Variants in RFC3 observed in about 807,000 individuals in gnomAD.
RFC3 encodes the protein A1 38 kDa subunit.
In RFC3, 41 loss-of-function variants were observed where a neutral mutation model predicts 45.1. The ratio of observed to expected loss-of-function variants is 0.91; its 90% CI spans 0.71 to 1.18. The LOEUF is 1.18. Ranked by LOEUF, RFC3 falls within the 50% of genes most tolerant of loss-of-function variation. The pLI, the probability that RFC3 is intolerant of heterozygous loss-of-function variation, is 0.00. For missense variants in RFC3, 423 were observed against 428.1 expected, an observed-to-expected ratio of 0.99 and a Z score of 0.10; for synonymous variants, 149 against 144.0, an observed-to-expected ratio of 1.03 and a Z score of -0.25.
intron 7 of RFC3, among the ~76,000 whole-genome samples, chr13:33,834,012 C>G (rs2082126907): frequency 6.6e-6 from 1 of 152,028 alleles, no homozygotes; most frequent in Non-Finnish European, 1.5e-5. Flanking sequence ...TTAAATCATG[C>G]TTTGCTGTGG....
chr13:33,967,980 A>G (rs2083095818), downstream of RFC3, among the ~76,000 whole-genome samples: 1 of 152,228 alleles, frequency 6.6e-6, no homozygotes, highest in South Asian at 2.1e-4. Context: ...GGTAATGAAG[A>G]CTGAGATAAA....
the RFC3 span, among the ~76,000 whole-genome samples, chr13:33,976,860 G>A: frequency 0.018 from 2,812 of 152,204 alleles, 105 homozygotes; most frequent in African/African-American, 0.065. Flanking sequence ...CTTCCAAAGA[G>A]TTTAGCATGA....
chr13:33,872,427 G>T (rs1157075739), intron 8 of RFC3, among the ~76,000 whole-genome samples: 1 of 152,068 alleles, frequency 6.6e-6, no homozygotes, highest in Non-Finnish European at 1.5e-5. Flanking sequence ...TGAACATTTG[G>T]CATTATATTT....
chr13:33,940,760 C>G (rs916057559), intron 8 of RFC3, among the ~76,000 whole-genome samples: 1 of 152,116 alleles, frequency 6.6e-6, no homozygotes, highest in Admixed American at 6.6e-5. Flanking sequence ...AGTTTAGAAA[C>G]CTTATAATAG....
intron 8 of RFC3, among the ~76,000 whole-genome samples, chr13:33,910,572 C>T (rs1312883318): frequency 6.6e-6 from 1 of 152,044 alleles, no homozygotes; most frequent in Non-Finnish European, 1.5e-5. Context: ...AGACATGGCA[C>T]TTGAGTCAAG....
chr13:33,922,679 G>A (rs2082776986), intron 8 of RFC3, among the ~76,000 whole-genome samples: 1 of 152,074 alleles, frequency 6.6e-6, no homozygotes, highest in African/African-American at 2.4e-5. Context: ...AAAGTAGCTA[G>A]TCAAATAATC....
chr13:33,898,752 A>G (rs2137659591), intron 8 of RFC3, among the ~76,000 whole-genome samples: 1 of 151,938 alleles, frequency 6.6e-6, no homozygotes, highest in East Asian at 1.9e-4. Flanking sequence ...GCGAAACTTT[A>G]GCTATACTAA....
intron 8 of RFC3, among the ~76,000 whole-genome samples, chr13:33,938,671 A>G (rs1467740111): frequency 6.6e-6 from 1 of 152,148 alleles, no homozygotes; most frequent in Non-Finnish European, 1.5e-5. Context: ...ATATATCACA[A>G]TTCACTACAT....
chr13:33,921,450 A>T (rs970656172), intron 8 of RFC3, among the ~76,000 whole-genome samples: 2 of 152,200 alleles, frequency 1.3e-5, no homozygotes, highest in East Asian at 3.9e-4. Context: ...CACAGAGGTC[A>T]AAAGACAGTT....
chr13:33,910,697 G>T (rs528731961), intron 8 of RFC3, among the ~76,000 whole-genome samples: 1 of 152,176 alleles, frequency 6.6e-6, no homozygotes, highest in South Asian at 2.1e-4. Context: ...AGGTGTATTA[G>T]TCTGTTCTTA....
intron 8 of RFC3, among the ~76,000 whole-genome samples, chr13:33,925,513 TAGTGTACTATATACATACATAC>T (rs2082803747): frequency 6.9e-6 from 1 of 144,792 alleles, no homozygotes; most frequent in African/African-American, 2.5e-5. Flanking sequence ...CATACATACA[TAGTGTACTATATACATACATAC>T]ATAGTGTACT....
chr13:33,836,251 T>C lies in RFC3; in HGVS notation c.1027T>C (p.Tyr343His), dbSNP rs768034481. 1.1e-5 allele frequency: 18 copies of C among 1,613,454 alleles called. No individual in the cohort carries two copies. Among genetic ancestry groups the C allele is most frequent in the Admixed American group, 8.3e-5 (5 of 59,988 alleles). The change falls in exon 9 of 9, where the codon TAT becomes CAT. Residue 343 changes from tyrosine to histidine, a missense_variant. By Grantham distance (83) the Tyr-to-His change is moderately conservative. Coordinates refer to ENST00000380071, the MANE Select transcript of RFC3 (RefSeq NM_002915.4). ...GTTTGTGGCCAAATTCATGGCACTT[T>C]ATAAGAAGTTCATGGAGGATGGATT... ...EAFVAKFMALYKKFMEDGLEG... is the reference protein window; with the variant it reads ...EAFVAKFMALHKKFMEDGLEG...
chr13:33,843,650 C>T (rs1340763402), intron 8 of RFC3, among the ~76,000 whole-genome samples: 1 of 152,162 alleles, frequency 6.6e-6, no homozygotes, highest in Non-Finnish European at 1.5e-5. Flanking sequence ...ATTTAATTCT[C>T]CTAACACTCT....
At chr13:33,919,508 G>A (rs2082754312) in intron 8 of RFC3, among the ~76,000 whole-genome samples, 1 of 152,058 alleles carries the variant, frequency 6.6e-6, no homozygotes, top group Non-Finnish European at 1.5e-5. Context: ...TATTTGTACT[G>A]TGGTTATGAG....
intron 2 of RFC3, among the ~76,000 whole-genome samples, chr13:33,821,970 C>G (rs1041960292): frequency 6.6e-6 from 1 of 152,062 alleles, no homozygotes; most frequent in Non-Finnish European, 1.5e-5. Flanking sequence ...GACTGTATGT[C>G]GAGAACATAT....
rs2082162092 is a variant in RFC3, at chr13:33,837,094, G to T, written c.*799G>T. On this transcript the variant is annotated 3_prime_UTR_variant, in exon 9 of 9. Transcript: ENST00000380071. ...CTCCGAACAATTCCTTTACTACGAA[G>T]TATAATTTATAAAATAAAATATACC... 1 of 960,192 alleles carries T rather than the reference G, an allele frequency of 1.0e-6. No individual in the cohort carries two copies. Among genetic ancestry groups the T allele is most frequent in the African/African-American group, 1.8e-5 (1 of 56,666 alleles). The allele number at this position is 960,192 out of a possible 1,614,324, so 59.5% of individuals were successfully genotyped here.
chr13:33,833,605 A>C (rs190910332), intron 7 of RFC3, among the ~76,000 whole-genome samples: 2 of 152,276 alleles, frequency 1.3e-5, no homozygotes, highest in East Asian at 3.9e-4. Flanking sequence ...GCATGTTAAC[A>C]TGTATGCACT....
intron 8 of RFC3, among the ~76,000 whole-genome samples, chr13:33,884,401 G>A (rs2082506314): frequency 6.6e-6 from 1 of 152,200 alleles, no homozygotes; most frequent in African/African-American, 2.4e-5. Context: ...GACACTGGGA[G>A]CTGTTTAGAA....
intron 8 of RFC3, among the ~76,000 whole-genome samples, chr13:33,933,278 G>C (rs1157894968): frequency 6.6e-6 from 1 of 152,114 alleles, no homozygotes; most frequent in Admixed American, 6.6e-5. Flanking sequence ...AGAGATCTGG[G>C]TGAACAAAGA....
Sources: gnomAD v4.1 joint callset for allele counts (sites outside exome capture counted in the v4.1 genomes callset) on GRCh38, gnomAD v4.1.1 for gene constraint, MANE v1.5 for transcripts, NCBI Gene and HGNC (gene_info 2026-07-23, HGNC 2026-07-21) for gene names.